The following CEP112 variants were observed in gnomAD, a reference collection of about 807,000 sequenced individuals.
The protein encoded by CEP112 is centrosomal protein of 112 kDa.
CEP112 carries 127 observed loss-of-function variants against 153.0 expected under a neutral mutation model. That is an observed-to-expected ratio of 0.83 (90% CI 0.72 to 0.96). CEP112 has a LOEUF of 0.96. Among genes scored for constraint, CEP112 ranks in the 40% least tolerant of loss-of-function variants. CEP112 has a pLI of 0.00. For missense variants in CEP112, 1,089 were observed against 1,101.2 expected (o/e 0.99, Z 0.16); for synonymous variants, 358 against 374.4 (o/e 0.96, Z 0.51).
At chr17:65,829,396 C>A (rs917227335) in intron 21 of CEP112, among the ~76,000 whole-genome samples, 33 of 152,026 alleles carry the variant, frequency 2.2e-4, no homozygotes. Flanking sequence ...CAACACAGAA[C>A]CCTTCCACTA....
At chr17:65,789,365 C>T (rs2054465909) in intron 21 of CEP112, among the ~76,000 whole-genome samples, 1 of 152,114 alleles carries the variant, frequency 6.6e-6, no homozygotes, top group Admixed American at 6.5e-5. Context: ...GATATAGATC[C>T]ACCCACCATC....
intron 16 of CEP112, among the ~76,000 whole-genome samples, chr17:66,012,823 C>T (rs2064593710): frequency 6.6e-6 from 1 of 152,182 alleles, no homozygotes; most frequent in South Asian, 2.1e-4. Context: ...AGGATATTTT[C>T]CAAGCTACTT....
At chr17:66,065,706 T>G (rs927380867) in intron 10 of CEP112, among the ~76,000 whole-genome samples, 1 of 151,156 alleles carries the variant, frequency 6.6e-6, no homozygotes, top group Non-Finnish European at 1.5e-5. Flanking sequence ...CTCGGCTCAC[T>G]GCAAGCTCCA....
rs375095090 is a variant in CEP112 at position 66,145,425 on chromosome 17, T to G, written c.471-12662A>C. Among the ~76,000 whole-genome samples, 21 of 152,298 alleles carry G rather than the reference T, an allele frequency of 1.4e-4. No individual in the cohort carries two copies. The East Asian group carries it at 3.5e-3, about 25-fold the overall frequency. Reference sequence around the variant, plus strand: ...TTTTCTTCATTGTTTTGTGTTTTTTTATATCTTATTTTAGAAATCTTTGCC... The same window carrying G: ...TTTTCTTCATTGTTTTGTGTTTTTTGATATCTTATTTTAGAAATCTTTGCC... On this transcript the variant is annotated intron_variant, in intron 4 of 26. Coordinates refer to ENST00000535342, the MANE Select transcript of CEP112 (RefSeq NM_001199165.4).
chr17:65,649,744 A>T (rs986906061), intron 24 of CEP112, among the ~76,000 whole-genome samples: 1 of 147,886 alleles, frequency 6.8e-6, no homozygotes, highest in East Asian at 2.0e-4. Context: ...AAGTGTGCCC[A>T]ATATTACTTT....
chr17:65,749,903 T>G (rs2051717449), intron 22 of CEP112, among the ~76,000 whole-genome samples: 1 of 152,176 alleles, frequency 6.6e-6, no homozygotes, highest in African/African-American at 2.4e-5. Context: ...TTAACAATCA[T>G]TAGATATGCT....
intron 24 of CEP112, among the ~76,000 whole-genome samples, chr17:65,666,397 C>A (rs570989477): frequency 2.6e-4 from 40 of 151,890 alleles, no homozygotes; most frequent in Middle Eastern, 3.4e-3. Context: ...ACTTAGTAGC[C>A]AACATTACTG....
chr17:65,983,780 T>C (rs1468425970), intron 17 of CEP112, among the ~76,000 whole-genome samples: 1 of 152,232 alleles, frequency 6.6e-6, no homozygotes, highest in Non-Finnish European at 1.5e-5. Context: ...TATTCCTTTA[T>C]ATCAATGCAA....
chr17:66,175,249 C>T, intron 3 of CEP112, 33 bp from the exon 4 acceptor site: 1 of 1,471,262 alleles, frequency 6.8e-7, no homozygotes, highest in Non-Finnish European at 9.1e-7. Context: ...ATTATTCTTT[C>T]AAAATGTACT....
chr17:65,923,238 G>A (rs1002811650), intron 19 of CEP112, among the ~76,000 whole-genome samples: 6 of 152,178 alleles, frequency 3.9e-5, no homozygotes, highest in African/African-American at 1.4e-4. Flanking sequence ...CTTTGGCACT[G>A]TTGAAAATGA....
chr17:66,154,424 A>C (rs1166185729), intron 4 of CEP112, among the ~76,000 whole-genome samples: 2 of 151,984 alleles, frequency 1.3e-5, no homozygotes, highest in Admixed American at 6.6e-5. Context: ...CTGAGGCAGG[A>C]GAATCACTTA....
intron 21 of CEP112, among the ~76,000 whole-genome samples, chr17:65,800,202 C>A (rs2055180758): frequency 6.6e-6 from 1 of 152,098 alleles, no homozygotes; most frequent in East Asian, 1.9e-4. Context: ...TAAAGTTGTA[C>A]AACCATCACC....
chr17:65,639,836 C>CTTTTTTT (rs554226605), intron 25 of CEP112, among the ~76,000 whole-genome samples: 5 of 110,966 alleles, frequency 4.5e-5, no homozygotes, highest in African/African-American at 1.0e-4. Context: ...CTCTTTCTTT[C>CTTTTTTT]TTTTTTTTTT....
intron 17 of CEP112, among the ~76,000 whole-genome samples, chr17:66,003,060 T>G (rs67997334): frequency 0.33 from 50,439 of 152,066 alleles, 9,741 homozygotes; most frequent in Non-Finnish European, 0.45. Flanking sequence ...CTGTTTACTT[T>G]GAAGTTAGAC....
chr17:65,837,393 T>C (rs1203315396), intron 21 of CEP112, among the ~76,000 whole-genome samples: 1 of 150,820 alleles, frequency 6.6e-6, no homozygotes, highest in Non-Finnish European at 1.5e-5. Flanking sequence ...GTCTGAGATG[T>C]GGGGAGCGCC....
chr17:66,078,665 G>GT (rs552164656), intron 8 of CEP112, among the ~76,000 whole-genome samples: 2 of 151,938 alleles, frequency 1.3e-5, no homozygotes, highest in South Asian at 2.1e-4. Flanking sequence ...CATACTTTGG[G>GT]TTTTTTTTAA....
chr17:65,912,053 G>A (rs879575829), intron 19 of CEP112, among the ~76,000 whole-genome samples: 3 of 152,258 alleles, frequency 2.0e-5, no homozygotes, highest in East Asian at 3.9e-4. Flanking sequence ...CTGGGTCTGC[G>A]AACCAACTCA....
chr17:65,859,971 C>T (rs1482119291), intron 20 of CEP112, among the ~76,000 whole-genome samples: 6 of 146,954 alleles, frequency 4.1e-5, no homozygotes, highest in South Asian at 2.2e-4. Context: ...GCCAAGATTG[C>T]GCCACGGCAC....
chr17:66,053,329 C>T (rs2066523380), intron 12 of CEP112, among the ~76,000 whole-genome samples: 1 of 150,958 alleles, frequency 6.6e-6, no homozygotes, highest in African/African-American at 2.4e-5. Flanking sequence ...GTGAAACCCC[C>T]TGTCTACTAA....
Sources: allele counts gnomAD v4.1 joint callset (sites outside exome capture counted in the v4.1 genomes callset), GRCh38; gene constraint gnomAD v4.1.1; transcripts MANE v1.5; gene names NCBI Gene and HGNC (gene_info 2026-07-23, HGNC 2026-07-21).